SUMF1: variants seen among roughly 807,000 people sequenced by gnomAD.
SUMF1 encodes the protein sulfatase modifying factor 1, also known as formylglycine-generating enzyme.
SUMF1 carries 48 observed loss-of-function variants against 47.6 expected under a neutral mutation model. The observed-to-expected ratio is 1.01, with a 90% CI of 0.80 to 1.28. The LOEUF (loss-of-function observed/expected upper bound fraction) is 1.28, where lower values mean the gene tolerates loss of function less well. SUMF1 is among the 50% of genes most tolerant of loss of function. The pLI, the probability that SUMF1 is intolerant of heterozygous loss-of-function variation, is 0.00. For synonymous variants in SUMF1, 230 were observed against 192.1 expected (o/e 1.20, Z -1.63); for missense variants, 571 against 485.4 (o/e 1.18, Z -1.66).
chr3:4,168,523 T>A (rs1202573323), intron 8 of SUMF1, among the ~76,000 whole-genome samples: 1 of 152,206 alleles, frequency 6.6e-6, no homozygotes, highest in Non-Finnish European at 1.5e-5. Flanking sequence ...GCAAATGAAT[T>A]GCAGAGTGGG....
intron 8 of SUMF1, among the ~76,000 whole-genome samples, chr3:4,211,700 C>G (rs1027879147): frequency 3.3e-5 from 5 of 152,062 alleles, no homozygotes; most frequent in Non-Finnish European, 7.4e-5. Context: ...TAAGGTAAAA[C>G]CACAATTAAA....
At chr3:4,451,826 G>A (rs951075715) in intron 2 of SUMF1, among the ~76,000 whole-genome samples, 1 of 152,110 alleles carries the variant, frequency 6.6e-6, no homozygotes, top group Non-Finnish European at 1.5e-5. Context: ...TGGGACTACG[G>A]GTGCCCGCCA....
intron 9 of SUMF1, among the ~76,000 whole-genome samples, chr3:4,056,193 T>G (rs1355508006): frequency 2.0e-5 from 3 of 152,168 alleles, no homozygotes; most frequent in African/African-American, 7.2e-5. Context: ...TGTAGACATC[T>G]TTAGGGACCA....
intron 8 of SUMF1, among the ~76,000 whole-genome samples, chr3:4,310,257 A>G (rs577488243): frequency 6.6e-6 from 1 of 152,356 alleles, no homozygotes; most frequent in East Asian, 1.9e-4. Context: ...ATGACCTCAC[A>G]TTATTTCTGA....
chr3:4,177,528 A>T lies in SUMF1; in HGVS notation c.1015-108783T>A, dbSNP rs544438022. On this transcript the variant is annotated intron_variant and NMD_transcript_variant, in intron 8 of 12. Coordinates refer to the SUMF1 transcript ENST00000448413. ...CATAACGTACCAGAATCTCTGGGAC[A>T]CATTTAAAGAAGTGTGTAGAGGGAA... Among the ~76,000 whole-genome samples, 16 of 152,316 alleles carry T rather than the reference A, an allele frequency of 1.1e-4. 1 individual carries two copies. In the South Asian group the frequency reaches 3.3e-3, roughly 32 times the overall value.
intron 8 of SUMF1, among the ~76,000 whole-genome samples, chr3:4,278,977 G>C (rs745566052): frequency 6.6e-6 from 1 of 152,046 alleles, no homozygotes; most frequent in Admixed American, 6.5e-5. Context: ...AGGCTTTGTA[G>C]TTTGTATGCA....
At position 4,108,636 on chromosome 3, in the gene SUMF1, G is replaced by C. The variant is rs57007020; in HGVS notation, c.1015-39891C>G. ...ATTGGGTGCATATATATTTAGGATA[G>C]TTAGCTCTTCTTGTTGAATTGATCC... On this transcript the variant is annotated intron_variant and NMD_transcript_variant, in intron 8 of 12. Transcript: ENST00000448413. Among the ~76,000 whole-genome samples, 1,013 of 152,222 alleles carry C rather than the reference G, an allele frequency of 6.7e-3. 23 individuals are homozygous for C. The highest frequency in any genetic ancestry group is 0.023 in the African/African-American group (966 of 41,492).
rs776371453 is a variant in SUMF1 at position 4,317,298 on chromosome 3, C to T, written c.1014+59032G>A. ...TGATTTAAAATTCACAGTCCAAAACCGCAGTTAGTTTTGCACCAACCCAAT... is the reference window on the plus strand; with the variant it reads ...TGATTTAAAATTCACAGTCCAAAACTGCAGTTAGTTTTGCACCAACCCAAT... On this transcript the variant is annotated intron_variant and NMD_transcript_variant, in intron 8 of 12. Coordinates refer to the SUMF1 transcript ENST00000448413. 81 of 1,258,246 alleles carry T rather than the reference C, an allele frequency of 6.4e-5. 2 individuals carry two copies. Among genetic ancestry groups the T allele is most frequent in the Middle Eastern group, 1.9e-4 (1 of 5,248 alleles). The allele number at this position is 1,258,246 out of a possible 1,614,324, so 77.9% of individuals were successfully genotyped here. A position where few individuals can be genotyped will look rare whatever the true frequency, so the allele number is the denominator to read the frequency against.
At chr3:4,279,479 T>C (rs1413261698) in intron 8 of SUMF1, among the ~76,000 whole-genome samples, 1 of 152,132 alleles carries the variant, frequency 6.6e-6, no homozygotes, top group African/African-American at 2.4e-5. Flanking sequence ...TAGCTTAGTG[T>C]GTGCTGATTC....
chr3:4,253,303 G>C (rs1026795466), intron 8 of SUMF1, among the ~76,000 whole-genome samples: 10 of 152,300 alleles, frequency 6.6e-5, no homozygotes, highest in African/African-American at 1.7e-4. Context: ...AGCTCCCAGC[G>C]TGAGTGACGC....
rs58264459 is a variant in SUMF1 at position 4,379,840 on chromosome 3, CAAAAAAAAAAAAA to C, written c.955-3464_955-3452del. ...CTGGCAACAGAGCGAGCCTCCATCT[CAAAAAAAAAAAAA>C]AAAAAAAAAAAAGATACTAAGTGTG... On this transcript the variant is annotated intron_variant, in intron 7 of 8. Transcript: ENST00000272902. 1.4e-4 allele frequency among the ~76,000 whole-genome samples: 11 copies of C among 76,888 alleles called. No homozygotes were observed. The Admixed American group carries it at 1.4e-3, about 10-fold the overall frequency. 50.4% of individuals were successfully genotyped at this position (76,888 alleles called of 152,430 possible).
chr3:4,434,044 G>T (rs1002216551), intron 3 of SUMF1, among the ~76,000 whole-genome samples: 3 of 152,186 alleles, frequency 2.0e-5, no homozygotes, highest in Non-Finnish European at 4.4e-5. Flanking sequence ...AGGCACAAAA[G>T]GACAAGGATT....
chr3:4,131,912 A>T (rs1693800210), intron 8 of SUMF1, among the ~76,000 whole-genome samples: 1 of 152,098 alleles, frequency 6.6e-6, no homozygotes, highest in African/African-American at 2.4e-5. Context: ...GCAAGGATGG[A>T]GGTTACACAT....
chr3:4,144,949 C>T (rs1694158473), intron 8 of SUMF1, among the ~76,000 whole-genome samples: 1 of 152,046 alleles, frequency 6.6e-6, no homozygotes, highest in Non-Finnish European at 1.5e-5. Context: ...CCTGTAATCC[C>T]AGCACTTTGG....
At chr3:4,173,010 A>G (rs112200091) in intron 8 of SUMF1, among the ~76,000 whole-genome samples, 232 of 152,306 alleles carry the variant, frequency 1.5e-3, no homozygotes, top group African/African-American at 5.2e-3. Context: ...TCTTTAATCC[A>G]TCTTGAGTTA....
chr3:4,185,066 A>G (rs557168527), intron 8 of SUMF1, among the ~76,000 whole-genome samples: 60 of 152,300 alleles, frequency 3.9e-4, no homozygotes, highest in African/African-American at 1.3e-3. Context: ...ATTTTATGAG[A>G]TGATTAGACC....
intron 7 of SUMF1, among the ~76,000 whole-genome samples, chr3:4,406,352 A>G (rs1701375213): frequency 1.3e-5 from 2 of 152,134 alleles, no homozygotes; most frequent in Admixed American, 1.3e-4. Context: ...GTTTATTCCA[A>G]AATTAGAGTT....
At position 4,253,618 on chromosome 3, in the gene SUMF1, A is replaced by G. The variant is rs867430333; in HGVS notation, c.1014+122712T>C. ...CCTGGCTCAGAGGGTCCTACGCCCAAGGAATCTCGCTGATTGCTAGCACAG... is the reference window on the plus strand; with the variant it reads ...CCTGGCTCAGAGGGTCCTACGCCCAGGGAATCTCGCTGATTGCTAGCACAG... On this transcript the variant is annotated intron_variant and NMD_transcript_variant, in intron 8 of 12. Coordinates refer to the SUMF1 transcript ENST00000448413. Among the ~76,000 whole-genome samples, 16 of 151,554 alleles carry G rather than the reference A, an allele frequency of 1.1e-4. No individual in the cohort carries two copies. The East Asian group carries it at 2.9e-3, about 27-fold the overall frequency.
intron 8 of SUMF1, among the ~76,000 whole-genome samples, chr3:4,233,727 G>T (rs1696350415): frequency 6.6e-6 from 1 of 152,136 alleles, no homozygotes; most frequent in Admixed American, 6.6e-5. Flanking sequence ...TTTCTTAAGG[G>T]AGTCCCTGAA....
Sources: allele counts gnomAD v4.1 joint callset (sites outside exome capture counted in the v4.1 genomes callset), GRCh38; gene constraint gnomAD v4.1.1; transcripts MANE v1.5; gene names NCBI Gene and HGNC (gene_info 2026-07-23, HGNC 2026-07-21).